KCNJ10: variants seen among roughly 807,000 people sequenced by gnomAD.
The protein encoded by KCNJ10 is ATP-sensitive inward rectifier potassium channel 10.
A neutral mutation model predicts 22.2 loss-of-function variants in KCNJ10; 9 were observed. The observed-to-expected ratio is 0.40, with a 90% CI of 0.24 to 0.71. The LOEUF (loss-of-function observed/expected upper bound fraction) is 0.71. Among genes scored for constraint, KCNJ10 ranks in the 30% least tolerant of loss-of-function variants. KCNJ10 has a pLI of 0.35. For synonymous variants in KCNJ10, 184 were observed against 187.3 expected (o/e 0.98, Z 0.15); for missense variants, 337 against 482.7 (o/e 0.70, Z 2.83).
chr1:160,044,480 CCT>C (rs762142119), intron 1 of KCNJ10, among the ~76,000 whole-genome samples: 48 of 152,116 alleles, frequency 3.2e-4, no homozygotes, highest in Middle Eastern at 6.8e-3. Context: ...GATGTAAACT[CCT>C]ATAAGATTTT....
chr1:160,055,972 C>A (rs1315529146), intron 1 of KCNJ10, among the ~76,000 whole-genome samples: 2 of 152,190 alleles, frequency 1.3e-5, no homozygotes, highest in Non-Finnish European at 2.9e-5. Context: ...GACTCAGCGT[C>A]CTGTCTCCTC....
intron 1 of KCNJ10, among the ~76,000 whole-genome samples, chr1:160,050,313 T>TG (rs397742207): frequency 5.0e-4 from 74 of 148,346 alleles, no homozygotes; most frequent in Middle Eastern, 3.4e-3. Flanking sequence ...TTTTTTTTTT[T>TG]GTAGAGATGG....
chr1:160,049,675 T>TATA (rs1648834329), intron 1 of KCNJ10, among the ~76,000 whole-genome samples: 4 of 47,096 alleles, frequency 8.5e-5, no homozygotes, highest in Non-Finnish European at 8.2e-5. Context: ...TTTTATTTAT[T>TATA]TATATATATA....
chr1:160,068,640 T>C (rs1649381002), intron 1 of KCNJ10, among the ~76,000 whole-genome samples: 1 of 152,206 alleles, frequency 6.6e-6, no homozygotes, highest in Non-Finnish European at 1.5e-5. Flanking sequence ...GAACCAGCTA[T>C]GAGTCAGGAT....
chr1:160,049,860 C>T (rs1047656463), intron 1 of KCNJ10, among the ~76,000 whole-genome samples: 1 of 151,236 alleles, frequency 6.6e-6, no homozygotes, highest in African/African-American at 2.4e-5. Context: ...ATCATAGGGC[C>T]AGGGAGATGT....
rs1228532296 is a variant in KCNJ10, at chr1:160,042,258, G to A, written c.275C>T (p.Ala92Val). The A allele has an allele frequency of 6.2e-7, 1 of 1,614,098 alleles. No homozygotes were observed. The highest frequency in any genetic ancestry group is 1.1e-5 in the South Asian group (1 of 91,080). The change falls in exon 2 of 2, where the codon GCA (alanine) becomes GTA (valine). Residue 92 changes from alanine to valine, a missense_variant. Coordinates refer to ENST00000644903, the MANE Select transcript of KCNJ10 (RefSeq NM_002241.5). Reference sequence around the variant, plus strand: ...GTCCAGCTCCAGCAGGTCCCCATGTGCCACAGCTACCAGATACCACACCAC... The same window carrying A: ...GTCCAGCTCCAGCAGGTCCCCATGTACCACAGCTACCAGATACCACACCAC... Reference protein sequence around the residue: ...FGVVWYLVAVAHGDLLELDPP... With the variant: ...FGVVWYLVAVVHGDLLELDPP...
intron 1 of KCNJ10, among the ~76,000 whole-genome samples, chr1:160,068,786 G>T (rs900559745): frequency 2.0e-5 from 3 of 152,206 alleles, no homozygotes; most frequent in Non-Finnish European, 4.4e-5. Flanking sequence ...ATTAGGGAGA[G>T]AGTTTCAGGA....
chr1:160,063,515 T>A (rs372544138), intron 1 of KCNJ10: 1 of 152,454 alleles, frequency 6.6e-6, no homozygotes, highest in East Asian at 1.9e-4. Flanking sequence ...AAGTTCTCCC[T>A]GCTGTCTGCC....
chr1:160,042,214 G>A lies in KCNJ10; in HGVS notation c.319C>T (p.Pro107Ser). ...LELDPPANHT[P>S]CVVQVHTLTG... ...AGTGTGTGCACCTGTACCACACAGG[G>A]GGTGTGGTTGGCCGGGGGGTCCAGC... Residue 107 changes from proline to serine, a missense_variant, in exon 2 of 2, where the codon CCC (proline) becomes TCC (serine). Around this residue, in one of 3 missense-constraint regions of KCNJ10, gnomAD observed 165 missense variants for 281.5 expected, o/e 0.59. Coordinates refer to ENST00000644903, the MANE Select transcript of KCNJ10 (RefSeq NM_002241.5). 1 of 1,613,296 alleles carries A rather than the reference G, an allele frequency of 6.2e-7. No individual in the cohort carries two copies. Among genetic ancestry groups the A allele is most frequent in the Non-Finnish European group, 8.5e-7 (1 of 1,179,318 alleles).
intron 1 of KCNJ10, among the ~76,000 whole-genome samples, chr1:160,046,735 A>C (rs1443309888): frequency 6.6e-6 from 1 of 152,148 alleles, no homozygotes; most frequent in African/African-American, 2.4e-5. Context: ...GCGGATAAAC[A>C]ATCAGCTACA....
At chr1:160,054,644 G>T (rs999128293) in intron 1 of KCNJ10, among the ~76,000 whole-genome samples, 14 of 152,198 alleles carry the variant, frequency 9.2e-5, no homozygotes, top group Non-Finnish European at 1.5e-5. Context: ...GGTGATAAAC[G>T]AGAAGTCTGT....
At chr1:160,052,834 A>G (rs1372077653) in intron 1 of KCNJ10, among the ~76,000 whole-genome samples, 3 of 152,202 alleles carry the variant, frequency 2.0e-5, no homozygotes, top group African/African-American at 7.2e-5. Context: ...ACTAGGGCAT[A>G]CACTAGTATG....
intron 1 of KCNJ10, among the ~76,000 whole-genome samples, chr1:160,064,063 T>C (rs1382397182): frequency 6.6e-6 from 1 of 152,160 alleles, no homozygotes; most frequent in Non-Finnish European, 1.5e-5. Flanking sequence ...CACTACCCCA[T>C]ACTACCTCCC....
At chr1:160,061,692 G>A (rs559414570) in intron 1 of KCNJ10, among the ~76,000 whole-genome samples, 1 of 148,762 alleles carries the variant, frequency 6.7e-6, no homozygotes, top group Admixed American at 6.7e-5. Context: ...GGCAGCAAGG[G>A]CATGGGGGGG....
chr1:160,042,811 C>G (rs895168374), intron 1 of KCNJ10, among the ~76,000 whole-genome samples: 1 of 151,998 alleles, frequency 6.6e-6, no homozygotes, highest in African/African-American at 2.4e-5. Flanking sequence ...GTGGCATGCG[C>G]CTGTAGTCCC....
chr1:160,043,271 A>AC (rs5778148), intron 1 of KCNJ10, among the ~76,000 whole-genome samples: 77,317 of 122,774 alleles, frequency 0.63, 22,175 homozygotes, highest in East Asian at 0.8. Flanking sequence ...ATCCCCCTTA[A>AC]AACACACACA....
intron 1 of KCNJ10, among the ~76,000 whole-genome samples, chr1:160,062,962 C>T (rs986777916): frequency 1.3e-5 from 2 of 152,206 alleles, no homozygotes; most frequent in East Asian, 1.9e-4. Context: ...GAGTCGCCTG[C>T]CACCTGTGCT....
At position 160,042,389 on chromosome 1, in the gene KCNJ10, G is replaced by T; in HGVS notation, c.144C>A (p.Arg48=). 2 of 1,614,160 alleles carry T rather than the reference G, an allele frequency of 1.2e-6. No homozygotes were observed. The highest frequency in any genetic ancestry group is 1.7e-6 in the Non-Finnish European group (2 of 1,179,974). ...TCCACAGGTCCTTGAGGTAGAGGAAGCGCTTGTCGGCAATGTGCTCCATTC... is the reference window on the plus strand; with the variant it reads ...TCCACAGGTCCTTGAGGTAGAGGAATCGCTTGTCGGCAATGTGCTCCATTC... ...NVRMEHIADK[R]FLYLKDLWTT... Residue 48 remains arginine (R), a synonymous_variant, in exon 2 of 2, where the codon CGC becomes CGA. Transcript: ENST00000644903.
chr1:160,047,285 G>A (rs538749283), intron 1 of KCNJ10, among the ~76,000 whole-genome samples: 3 of 152,156 alleles, frequency 2.0e-5, no homozygotes, highest in South Asian at 4.1e-4. Flanking sequence ...TTGCTACTTC[G>A]CTCCTGGGTT....
Sources: gnomAD v4.1 joint callset for allele counts (sites outside exome capture counted in the v4.1 genomes callset) on GRCh38, gnomAD v4.1.1 for gene constraint, gnomAD v4.1.1 regional missense constraint, MANE v1.5 for transcripts, NCBI Gene and HGNC (gene_info 2026-07-23, HGNC 2026-07-21) for gene names.